PSMB7: variants seen among roughly 807,000 people sequenced by gnomAD.
The protein encoded by PSMB7 is proteasome subunit beta type-7.
Under a neutral mutation model 28.1 loss-of-function variants are expected in PSMB7, and 5 were observed. The ratio of observed to expected loss-of-function variants is 0.18; its 90% CI spans 0.09 to 0.37. PSMB7 has a LOEUF of 0.37. PSMB7 is among the 10% of genes least tolerant of loss of function. The probability of loss-of-function intolerance (pLI) is 1.00; values close to 1 mark genes in which losing one functional copy is unlikely to be tolerated. For missense variants in PSMB7, 275 were observed against 346.2 expected, an observed-to-expected ratio of 0.79 and a Z score of 1.63; for synonymous variants, 122 against 123.7, an observed-to-expected ratio of 0.99 and a Z score of 0.09.
intron 5 of PSMB7, among the ~76,000 whole-genome samples, chr9:124,392,113 G>C (rs1830793672): frequency 6.6e-6 from 1 of 152,246 alleles, no homozygotes; most frequent in Non-Finnish European, 1.5e-5. Context: ...CCCTTTTACA[G>C]ACAAGGAAAT....
At chr9:124,415,098 C>G (rs892880800) in intron 1 of PSMB7, 163 bp from the exon 2 acceptor site, 1 of 632,940 alleles carries the variant, frequency 1.6e-6, no homozygotes, top group East Asian at 2.7e-5. Context: ...CGTTTTCCAA[C>G]GAAGACAGTC....
chr9:124,412,338 T>C lies in PSMB7; in HGVS notation c.395+14A>G. 5 of 1,612,962 alleles carry C rather than the reference T, an allele frequency of 3.1e-6. No individual in the cohort carries two copies. Among genetic ancestry groups the C allele is most frequent in the Non-Finnish European group, 4.2e-6 (5 of 1,179,038 alleles). On this transcript the variant is annotated intron_variant, in intron 4 of 7. Coordinates refer to ENST00000259457, the MANE Select transcript of PSMB7 (RefSeq NM_002799.4). The stretch of plus-strand genomic sequence containing the variant: ...AAGAAGATACTAGTAGGAATCCCCA[T>C]TCTGGAAACTTACCTGAAAAGCATC...
intron 4 of PSMB7, among the ~76,000 whole-genome samples, chr9:124,411,877 T>A (rs1306089150): frequency 6.6e-6 from 1 of 151,274 alleles, no homozygotes; most frequent in African/African-American, 2.4e-5. Flanking sequence ...AAGAGGTAGA[T>A]AAAGGTTGGT....
chr9:124,389,407 C>CTAA (rs1830761517), intron 5 of PSMB7, among the ~76,000 whole-genome samples: 1 of 152,186 alleles, frequency 6.6e-6, no homozygotes, highest in Admixed American at 6.5e-5. Context: ...GTACTGCTTC[C>CTAA]AGAACAAAGC....
intron 6 of PSMB7, among the ~76,000 whole-genome samples, chr9:124,369,481 C>T (rs1413998682): frequency 1.3e-5 from 2 of 152,218 alleles, no homozygotes; most frequent in African/African-American, 2.4e-5. Flanking sequence ...ACTGCTGCAA[C>T]ACAAGCACCT....
intron 5 of PSMB7, among the ~76,000 whole-genome samples, chr9:124,404,585 T>C (rs1164664055): frequency 1.3e-5 from 2 of 152,158 alleles, no homozygotes; most frequent in East Asian, 1.9e-4. Context: ...GAGTGGCTCA[T>C]GCCTATAATC....
At chr9:124,359,787 G>A (rs1004107151) in intron 6 of PSMB7, among the ~76,000 whole-genome samples, 8 of 152,198 alleles carry the variant, frequency 5.3e-5, no homozygotes, top group Non-Finnish European at 1.2e-4. Context: ...GGGTTGGAGG[G>A]CAGTGTTTCC....
chr9:124,355,794 G>A (rs1260691711), intron 7 of PSMB7, among the ~76,000 whole-genome samples: 2 of 152,100 alleles, frequency 1.3e-5, no homozygotes, highest in South Asian at 2.1e-4. Context: ...CTCTGGCCCC[G>A]TGCTGCCCCA....
At chr9:124,405,553 G>A in intron 4 of PSMB7, 121 bp from the exon 5 acceptor site, 1 of 640,080 alleles carries the variant, frequency 1.6e-6, no homozygotes, top group Non-Finnish European at 2.8e-6. Context: ...GTTTCATTAA[G>A]GGGTTATTGT....
At chr9:124,365,638 A>G (rs190950181) in intron 6 of PSMB7, among the ~76,000 whole-genome samples, 12 of 152,322 alleles carry the variant, frequency 7.9e-5, no homozygotes, top group Admixed American at 2.6e-4. Flanking sequence ...ATGAAGCTAA[A>G]AAAACTCCTC....
chr9:124,377,088 T>C (rs1035101563), intron 6 of PSMB7, among the ~76,000 whole-genome samples: 4 of 152,232 alleles, frequency 2.6e-5, no homozygotes, highest in African/African-American at 9.6e-5. Context: ...GCGATGTTTG[T>C]ATCCTACTAT....
intron 3 of PSMB7, among the ~76,000 whole-genome samples, chr9:124,413,153 C>CAAAAAAAAAAA (rs61132576): frequency 2.1e-5 from 1 of 47,256 alleles, no homozygotes; most frequent in Admixed American, 3.0e-4. Context: ...GCATCTCTCC[C>CAAAAAAAAAAA]AAAAAAAAAA....
intron 5 of PSMB7, among the ~76,000 whole-genome samples, 164 bp downstream of exon 5, chr9:124,405,153 C>A (rs1372109587): frequency 6.6e-6 from 1 of 152,158 alleles, no homozygotes; most frequent in African/African-American, 2.4e-5. Context: ...ATAGCAAGCA[C>A]CTAGAACACG....
At chr9:124,408,735 A>G (rs1019988853) in intron 4 of PSMB7, among the ~76,000 whole-genome samples, 2 of 152,214 alleles carry the variant, frequency 1.3e-5, no homozygotes, top group Non-Finnish European at 2.9e-5. Context: ...AAAACAACAC[A>G]TACAAGGATA....
chr9:124,359,784 A>C (rs993312223), intron 6 of PSMB7, among the ~76,000 whole-genome samples: 1 of 152,182 alleles, frequency 6.6e-6, no homozygotes, highest in African/African-American at 2.4e-5. Context: ...TGGGGGTTGG[A>C]GGGCAGTGTT....
chr9:124,398,270 G>A (rs1234877758), intron 5 of PSMB7, among the ~76,000 whole-genome samples: 1 of 151,962 alleles, frequency 6.6e-6, no homozygotes, highest in Admixed American at 6.6e-5. Flanking sequence ...AGGCAGGGAG[G>A]GGAGGGGTGA....
rs1001745816 is a variant in PSMB7, at chr9:124,356,020, T to G, written c.722+744A>C. ...GCCGTAGTTTATAAATGCCCTGTGC[T>G]GCACCCAGATGCTGCAGCTGGAAGC... On this transcript the variant is annotated intron_variant, in intron 7 of 7. Transcript: ENST00000259457. The surrounding 1 kb of genome is among the most constrained non-coding windows in gnomAD (Gnocchi z 4.4). Among the ~76,000 whole-genome samples, 1 of 152,208 alleles carries G rather than the reference T, an allele frequency of 6.6e-6. No homozygotes were observed.
rs767405741 is a variant in PSMB7, at chr9:124,415,442, T to G, written c.-17A>C. ...AGCCGCCATCTTCCCAAGAAAGCAG[T>G]TCCGGGTCGGAGGCGGGTGCAAACA... On this transcript the variant is annotated 5_prime_UTR_variant, in exon 1 of 8. Transcript: ENST00000259457. The G allele has an allele frequency of 1.2e-6, 2 of 1,613,816 alleles. No individual in the cohort carries two copies. Among genetic ancestry groups the G allele is most frequent in the Non-Finnish European group, 8.5e-7 (1 of 1,179,812 alleles).
chr9:124,386,990 T>C (rs1830728227), intron 5 of PSMB7, among the ~76,000 whole-genome samples: 2 of 152,212 alleles, frequency 1.3e-5, no homozygotes, highest in Admixed American at 1.3e-4. Flanking sequence ...CTCACGCCTG[T>C]AATCCCAGAA....
Sources: gnomAD v4.1 joint callset for allele counts (sites outside exome capture counted in the v4.1 genomes callset) on GRCh38, gnomAD v4.1.1 for gene constraint, Gnocchi (gnomAD v3.1) non-coding constraint, MANE v1.5 for transcripts, NCBI Gene and HGNC (gene_info 2026-07-23, HGNC 2026-07-21) for gene names.